CLPSL1: variants seen among roughly 807,000 people sequenced by gnomAD.
The protein encoded by CLPSL1 is colipase-like protein 1.
In CLPSL1, 13 loss-of-function variants were observed where a neutral mutation model predicts 9.3. The observed-to-expected ratio is 1.40, with a 90% confidence interval of 0.91 to 2.22. The LOEUF is 2.22. Ranked by LOEUF, CLPSL1 falls within the 30% of genes most tolerant of loss-of-function variation. The pLI, the probability that CLPSL1 is intolerant of heterozygous loss-of-function variation, is 0.00. For missense variants in CLPSL1, 164 were observed against 146.6 expected (o/e 1.12, Z -0.61); for synonymous variants, 58 against 56.9 (o/e 1.02, Z -0.08).
downstream of CLPSL1, among the ~76,000 whole-genome samples, chr6:35,789,681 G>T (rs1311136107): frequency 6.6e-6 from 1 of 152,236 alleles, no homozygotes. Flanking sequence ...ATCATCTGAG[G>T]TCAGGAGTTC....
downstream of CLPSL1, among the ~76,000 whole-genome samples, chr6:35,791,080 C>A (rs1351827667): frequency 2.6e-5 from 4 of 152,058 alleles, no homozygotes; most frequent in African/African-American, 9.7e-5. Context: ...AAGAAAAAGG[C>A]CCATTTTCAA....
At chr6:35,793,971 AT>A (rs1202222941), downstream of CLPSL1, among the ~76,000 whole-genome samples, 13 of 152,384 alleles carry the variant, frequency 8.5e-5, no homozygotes, top group Non-Finnish European at 1.8e-4. Context: ...GCAAAATTAA[AT>A]TCCTTGCAGT....
chr6:35,790,076 G>A (rs530253503), downstream of CLPSL1, among the ~76,000 whole-genome samples: 27 of 152,260 alleles, frequency 1.8e-4, no homozygotes, highest in Admixed American at 1.1e-3. Context: ...ACAGGTGTGC[G>A]CTACCACACC....
intron 1 of CLPSL1, among the ~76,000 whole-genome samples, chr6:35,783,520 A>G (rs9366892): frequency 0.61 from 92,198 of 150,860 alleles, 28,235 homozygotes; most frequent in Middle Eastern, 0.69. Context: ...AAAAAAAAAA[A>G]GGGGGGCTGG....
downstream of CLPSL1, among the ~76,000 whole-genome samples, chr6:35,792,250 G>T (rs1367460499): frequency 6.6e-6 from 1 of 152,080 alleles, no homozygotes; most frequent in Non-Finnish European, 1.5e-5. Context: ...TTCCAGCCTG[G>T]GTCACAGAGT....
exon 2 of CLPSL1, chr6:35,793,587 G>A: frequency 2.1e-6 from 1 of 470,932 alleles, no homozygotes; most frequent in Admixed American, 2.4e-5. Context: ...AAGGTCAAGA[G>A]CTACCAGCCA....
At chr6:35,787,174 A>G in intron 2 of CLPSL1, 54 bp downstream of exon 2, 1 of 1,591,954 alleles carries the variant, frequency 6.3e-7, no homozygotes, top group Non-Finnish European at 8.6e-7. Context: ...AGTGGGAGCC[A>G]GGGCGGGCCC....
At chr6:35,786,662 G>C (rs1257718493) in intron 1 of CLPSL1, among the ~76,000 whole-genome samples, 1 of 152,156 alleles carries the variant, frequency 6.6e-6, no homozygotes, top group African/African-American at 2.4e-5. Context: ...CAGGTGAAAG[G>C]GTGAGTATGA....
chr6:35,789,052 T>C (rs1275184248), downstream of CLPSL1, among the ~76,000 whole-genome samples: 1 of 152,248 alleles, frequency 6.6e-6, no homozygotes, highest in Non-Finnish European at 1.5e-5. Context: ...CAAAACGATG[T>C]GAACCATACC....
rs779819683 is a variant in CLPSL1 at position 35,788,061 on chromosome 6, C to T, written c.*51C>T. 4 of 1,411,158 alleles carry T rather than the reference C, an allele frequency of 2.8e-6. No individual in the cohort carries two copies. In the African/African-American group the frequency reaches 4.2e-5, roughly 15 times the overall value. 87.4% of individuals were successfully genotyped at this position (1,411,158 alleles called of 1,614,324 possible). On this transcript the variant is annotated 3_prime_UTR_variant, in exon 3 of 3. Transcript: ENST00000373861. ...CCTCCTCCACCTGCTCTCCTCCCTA[C>T]CCAGAGCTCTGTGTTCACCCTGTTC...
chr6:35,789,959 C>G (rs1177936612), downstream of CLPSL1, among the ~76,000 whole-genome samples: 1 of 152,232 alleles, frequency 6.6e-6, no homozygotes, highest in African/African-American at 2.4e-5. Context: ...CAGGGTCTCA[C>G]TCTGTCACCC....
Position 35,787,099 on chromosome 6 carries a change from G to A in CLPSL1, c.201G>A (p.Glu67=). 1 of 1,611,550 alleles carries A rather than the reference G, an allele frequency of 6.2e-7. No individual in the cohort carries two copies. Among genetic ancestry groups the A allele is most frequent in the African/African-American group, 1.3e-5 (1 of 75,072 alleles). ...CESHCAEKGS[E]GSLCQTQVFF... Reference sequence around the variant, plus strand: ...CGCACTGCGCGGAGAAGGGGTCCGAGGGCAGTCTGTGTCAAACGCAGGTGG... The same window carrying A: ...CGCACTGCGCGGAGAAGGGGTCCGAAGGCAGTCTGTGTCAAACGCAGGTGG... The change falls in exon 2 of 3, where the codon GAG becomes GAA. Residue 67 remains glutamate, a synonymous_variant. Coordinates refer to ENST00000373861, the MANE Select transcript of CLPSL1 (RefSeq NM_001010886.5).
chr6:35,781,728 GTT>G (rs36009111), intron 1 of CLPSL1, among the ~76,000 whole-genome samples: 6,444 of 141,018 alleles, frequency 0.046, 213 homozygotes, highest in Middle Eastern at 0.096. Flanking sequence ...GTTTGCAGGT[GTT>G]TTTTTTTTTT....
chr6:35,785,174 A>T (rs1469599595), intron 1 of CLPSL1, among the ~76,000 whole-genome samples: 4 of 115,716 alleles, frequency 3.5e-5, no homozygotes, highest in South Asian at 2.9e-4. Flanking sequence ...GCCCCTGGAA[A>T]TTTTTTTTTT....
chr6:35,787,865 A>G lies in CLPSL1; in HGVS notation c.223-2A>G, dbSNP rs774659193. 1.2e-6 allele frequency: 2 copies of G among 1,609,800 alleles called. No homozygotes were observed. The highest frequency in any genetic ancestry group is 1.7e-6 in the Non-Finnish European group (2 of 1,176,746). On this transcript the variant is annotated splice_acceptor_variant, in intron 2 of 2. Transcript: ENST00000373861. LOFTEE classifies it high-confidence loss of function. ...TCGAGGTCAAAGTCCTGTCTTTCCC[A>G]GGTGTTCTTTGGCCAATATAGAGCG...
At chr6:35,782,259 AAG>A (rs949316641) in intron 1 of CLPSL1, among the ~76,000 whole-genome samples, 4 of 152,142 alleles carry the variant, frequency 2.6e-5, no homozygotes, top group African/African-American at 9.7e-5. Context: ...AAAGAGGAGT[AAG>A]AGAGAGTGGA....
chr6:35,781,351 C>G, intron 1 of CLPSL1, 142 bp downstream of exon 1: 2 of 1,302,950 alleles, frequency 1.5e-6, no homozygotes, highest in South Asian at 3.2e-5. Context: ...GAAGATGTCT[C>G]GGAGGAAAGA....
downstream of CLPSL1, among the ~76,000 whole-genome samples, chr6:35,791,153 A>G (rs370792798): frequency 6.6e-5 from 10 of 152,364 alleles, no homozygotes; most frequent in East Asian, 1.3e-3. Context: ...TTCACAAGCC[A>G]TGGGGATTCC....
At chr6:35,793,780 GGAC>G, downstream of CLPSL1, 1 of 350,816 alleles carries the variant, frequency 2.9e-6, no homozygotes, top group East Asian at 7.5e-5. Context: ...CCTGGGGCTG[GGAC>G]GACATCGAAG....
Sources: allele counts gnomAD v4.1 joint callset (sites outside exome capture counted in the v4.1 genomes callset), GRCh38; gene constraint gnomAD v4.1.1; transcripts MANE v1.5; gene names NCBI Gene and HGNC (gene_info 2026-07-23, HGNC 2026-07-21).